The following NAV3 variants were observed in gnomAD, a reference collection of about 807,000 sequenced individuals.
The protein encoded by NAV3 is neuron navigator 3.
NAV3 carries 87 observed loss-of-function variants against 244.7 expected under a neutral mutation model. The ratio of observed to expected loss-of-function variants is 0.36; its 90% CI spans 0.30 to 0.42. NAV3 has a LOEUF of 0.42. NAV3 is among the 20% of genes least tolerant of loss of function. NAV3 has a pLI of 1.00. For synonymous variants in NAV3, 1,126 were observed against 1,042.2 expected, an observed-to-expected ratio of 1.08 and a Z score of -1.55; for missense variants, 2,663 against 2,893.3, an observed-to-expected ratio of 0.92 and a Z score of 1.83.
At chr12:77,755,431 G>A (rs1869086624) in intron 2 of NAV3, among the ~76,000 whole-genome samples, 1 of 151,802 alleles carries the variant, frequency 6.6e-6, no homozygotes, top group Admixed American at 6.6e-5. Context: ...TTACGTTGAT[G>A]GGATCTTCTT....
At chr12:77,797,285 G>A (rs1565817549) in intron 2 of NAV3, among the ~76,000 whole-genome samples, 1 of 152,082 alleles carries the variant, frequency 6.6e-6, no homozygotes, top group Admixed American at 6.6e-5. Flanking sequence ...AGCAGAAATA[G>A]TAAGAGTATT....
At chr12:77,796,134 A>C (rs1475824060) in intron 2 of NAV3, among the ~76,000 whole-genome samples, 1 of 152,194 alleles carries the variant, frequency 6.6e-6, no homozygotes, top group Non-Finnish European at 1.5e-5. Context: ...GGATCTAAGC[A>C]AAGTAAATAA....
chr12:78,129,735 A>T (rs1008957124), intron 18 of NAV3, among the ~76,000 whole-genome samples: 1 of 152,154 alleles, frequency 6.6e-6, no homozygotes, highest in Non-Finnish European at 1.5e-5. Context: ...CATAAAGATG[A>T]GTATTGATAC....
chr12:77,976,684 T>TC (rs1868484383), intron 5 of NAV3, among the ~76,000 whole-genome samples: 1 of 133,830 alleles, frequency 7.5e-6, no homozygotes, highest in Non-Finnish European at 1.6e-5. Context: ...CTTTTTTTTT[T>TC]TTTTTTTTGA....
chr12:77,952,029 G>A (rs1890942055), intron 3 of NAV3, among the ~76,000 whole-genome samples: 2 of 149,686 alleles, frequency 1.3e-5, no homozygotes, highest in African/African-American at 4.9e-5. Flanking sequence ...TAACAAACCT[G>A]CACGTTGTGC....
chr12:78,002,878 AG>A (rs1443439704), intron 7 of NAV3, among the ~76,000 whole-genome samples: 1 of 151,900 alleles, frequency 6.6e-6, no homozygotes, highest in African/African-American at 2.4e-5. Flanking sequence ...TCAATTTATA[AG>A]ACTAAATAGA....
At chr12:77,742,854 C>T (rs1183147969) in intron 2 of NAV3, among the ~76,000 whole-genome samples, 1 of 151,974 alleles carries the variant, frequency 6.6e-6, no homozygotes, top group East Asian at 1.9e-4. Context: ...CCATTCATCT[C>T]TCCAGTCAAT....
chr12:77,962,424 C>T (rs1892108448), intron 3 of NAV3, among the ~76,000 whole-genome samples: 1 of 152,152 alleles, frequency 6.6e-6, no homozygotes, highest in Non-Finnish European at 1.5e-5. Context: ...TCTTTTCCAT[C>T]TCATTGGATA....
chr12:78,210,236 C>T (rs1960762214), intron 39 of NAV3, among the ~76,000 whole-genome samples, 162 bp from the exon 40 acceptor site: 1 of 152,134 alleles, frequency 6.6e-6, no homozygotes, highest in South Asian at 2.1e-4. Flanking sequence ...TTGGGAGAAA[C>T]AGCATAGGAG....
At chr12:77,996,424 A>T (rs1032021518) in intron 6 of NAV3, among the ~76,000 whole-genome samples, 1 of 152,226 alleles carries the variant, frequency 6.6e-6, no homozygotes, top group African/African-American at 2.4e-5. Flanking sequence ...ACTTTGTATG[A>T]CACAATGTCC....
chr12:77,784,704 G>A (rs1013165484), intron 2 of NAV3, among the ~76,000 whole-genome samples: 5 of 152,060 alleles, frequency 3.3e-5, no homozygotes, highest in African/African-American at 7.2e-5. Flanking sequence ...AAATATGGTC[G>A]CTGATCAGAT....
intron 2 of NAV3, among the ~76,000 whole-genome samples, chr12:77,763,534 C>A (rs1869594547): frequency 6.6e-6 from 1 of 152,156 alleles, no homozygotes; most frequent in African/African-American, 2.4e-5. Context: ...GAGGCTCAAA[C>A]CCTAATACGA....
chr12:77,941,044 C>A, intron 2 of NAV3, 37 bp from the exon 3 acceptor site: 2 of 1,333,094 alleles, frequency 1.5e-6, no homozygotes, highest in Non-Finnish European at 1.0e-6. Context: ...GCATGTCGTT[C>A]TTTTTTTCTC....
chr12:77,965,518 G>C (rs1052962058), intron 3 of NAV3, among the ~76,000 whole-genome samples: 13 of 151,984 alleles, frequency 8.6e-5, no homozygotes, highest in Non-Finnish European at 1.6e-4. Flanking sequence ...ACTTGGGAGA[G>C]TGAGGCCGGA....
At chr12:78,029,346 G>A (rs1394174832) in intron 9 of NAV3, among the ~76,000 whole-genome samples, 2 of 152,130 alleles carry the variant, frequency 1.3e-5, no homozygotes, top group Non-Finnish European at 2.9e-5. Flanking sequence ...TAGCAATGAT[G>A]AAGATAACAA....
chr12:78,168,206 T>C (rs1957858767), intron 23 of NAV3, among the ~76,000 whole-genome samples: 1 of 151,754 alleles, frequency 6.6e-6, no homozygotes, highest in Admixed American at 6.6e-5. Flanking sequence ...TGATATGGCA[T>C]CAGAATTTAA....
chr12:77,696,150 A>G (rs1445105324), intron 2 of NAV3, among the ~76,000 whole-genome samples: 1 of 152,070 alleles, frequency 6.6e-6, no homozygotes, highest in Non-Finnish European at 1.5e-5. Context: ...GGATCCCAAT[A>G]ATTTTTCCTC....
intron 2 of NAV3, among the ~76,000 whole-genome samples, chr12:77,617,274 T>A (rs1356825831): frequency 1.3e-5 from 2 of 152,176 alleles, no homozygotes; most frequent in Non-Finnish European, 2.9e-5. Flanking sequence ...CACCATCTGG[T>A]GTTCTTGCCT....
intron 2 of NAV3, among the ~76,000 whole-genome samples, chr12:77,592,862 A>G (rs1869973534): frequency 6.6e-6 from 1 of 152,210 alleles, no homozygotes; most frequent in Non-Finnish European, 1.5e-5. Context: ...AGCCTATAGA[A>G]TAAAAAGAAA....
Sources: gnomAD v4.1 joint callset for allele counts (sites outside exome capture counted in the v4.1 genomes callset) on GRCh38, gnomAD v4.1.1 for gene constraint, MANE v1.5 for transcripts, NCBI Gene and HGNC (gene_info 2026-07-23, HGNC 2026-07-21) for gene names.